Variants in KDM4C observed in about 807,000 individuals in gnomAD.
The protein encoded by KDM4C is lysine-specific demethylase 4C.
A neutral mutation model predicts 129.3 loss-of-function variants in KDM4C; 81 were observed. The ratio of observed to expected loss-of-function variants is 0.63; its 90% CI spans 0.52 to 0.75. The LOEUF is 0.75. Among genes scored for constraint, KDM4C ranks in the 30% least tolerant of loss-of-function variants. KDM4C has a pLI of 0.00. For synonymous variants in KDM4C, 573 were observed against 456.1 expected (o/e 1.26, Z -3.26); for missense variants, 1,457 against 1,304.0 (o/e 1.12, Z -1.81).
intron 8 of KDM4C, chr9:6,978,994 C>G (rs1380288388): frequency 1.3e-5 from 2 of 152,114 alleles, no homozygotes; most frequent in Non-Finnish European, 1.5e-5. Flanking sequence ...CTGTACCTCA[C>G]CAGCTTATCT....
intron 19 of KDM4C, among the ~76,000 whole-genome samples, chr9:7,158,176 T>G (rs961071029): frequency 6.6e-6 from 1 of 151,842 alleles, no homozygotes; most frequent in African/African-American, 2.4e-5. Context: ...ATGGTAGTAT[T>G]CTCTGTGGGA....
At chr9:6,809,351 C>T (rs939706353) in intron 3 of KDM4C, among the ~76,000 whole-genome samples, 1 of 152,164 alleles carries the variant, frequency 6.6e-6, no homozygotes, top group Non-Finnish European at 1.5e-5. Flanking sequence ...GGCAATTAAA[C>T]CTGTTTACAA....
chr9:6,721,450 A>C (rs768416018), intron 1 of KDM4C, among the ~76,000 whole-genome samples: 1 of 151,146 alleles, frequency 6.6e-6, no homozygotes, highest in Non-Finnish European at 1.5e-5. Context: ...CACCTGACTA[A>C]TTTTTGTATT....
intron 1 of KDM4C, among the ~76,000 whole-genome samples, chr9:6,773,648 A>G (rs1394535732): frequency 6.6e-6 from 1 of 151,976 alleles, no homozygotes; most frequent in Non-Finnish European, 1.5e-5. Flanking sequence ...GCGCACGCTT[A>G]TAATCCCAGC....
intron 8 of KDM4C, among the ~76,000 whole-genome samples, chr9:6,971,411 G>A (rs1476469392): frequency 2.6e-5 from 4 of 152,112 alleles, no homozygotes; most frequent in Non-Finnish European, 4.4e-5. Flanking sequence ...TTATTATGTA[G>A]CCTGTTTTAA....
intron 1 of KDM4C, among the ~76,000 whole-genome samples, chr9:6,776,000 G>T (rs1324507213): frequency 6.6e-6 from 1 of 152,212 alleles, no homozygotes; most frequent in African/African-American, 2.4e-5. Context: ...ACCCCTGGTT[G>T]AGAACCATTG....
At position 6,974,493 on chromosome 9, in the gene KDM4C, G is replaced by A. The variant is rs552427217; in HGVS notation, c.922-6432G>A. ...TCCTGCCTGTTTCCCGAGTAGCTGA[G>A]ATTACAGGCATGTGCCACCATGCCT... is the stretch of plus-strand genomic sequence containing the variant. On this transcript the variant is annotated intron_variant, in intron 8 of 21. Transcript: ENST00000381309. Among the ~76,000 whole-genome samples, 6 of 152,308 alleles carry A rather than the reference G, an allele frequency of 3.9e-5. No individual in the cohort carries two copies. In the South Asian group the frequency reaches 1.2e-3, roughly 32 times the overall value.
intron 17 of KDM4C, among the ~76,000 whole-genome samples, chr9:7,097,475 C>G (rs1444805298): frequency 6.6e-6 from 1 of 152,200 alleles, no homozygotes; most frequent in East Asian, 1.9e-4. Flanking sequence ...CTACACTCTC[C>G]TGCCACATCA....
intron 18 of KDM4C, among the ~76,000 whole-genome samples, chr9:7,107,729 T>C (rs1217074722): frequency 1.3e-5 from 2 of 152,246 alleles, no homozygotes; most frequent in Non-Finnish European, 2.9e-5. Context: ...TGGAGACAGA[T>C]ACCTATTTAA....
rs549063119 is a variant in KDM4C at position 7,064,373 on chromosome 9, A to G, written c.2424+15173A>G. On this transcript the variant is annotated intron_variant, in intron 17 of 21. Coordinates refer to ENST00000381309, the MANE Select transcript of KDM4C (RefSeq NM_015061.6). ...TTTAAAGTTTTAAAATGAGCCTCCT[A>G]GAAAAATTTTAAAAGATGCATAATG... is the stretch of plus-strand genomic sequence containing the variant. Among the ~76,000 whole-genome samples, 18 of 152,320 alleles carry G rather than the reference A, an allele frequency of 1.2e-4. No individual in the cohort carries two copies. In the South Asian group the frequency reaches 3.5e-3, roughly 30 times the overall value.
chr9:7,130,193 A>G (rs10815525), intron 19 of KDM4C, among the ~76,000 whole-genome samples: 54,418 of 152,102 alleles, frequency 0.36, 10,259 homozygotes, highest in Middle Eastern at 0.52. Flanking sequence ...GGTGAGGAAC[A>G]CTGTGGTGGT....
chr9:7,024,319 GT>G lies in KDM4C; in HGVS notation c.2259+8400del, dbSNP rs1252377601. On this transcript the variant is annotated intron_variant, in intron 15 of 21. Transcript: ENST00000381309. Reference sequence around the variant, plus strand: ...TTTTTTTTAATTTTCTTTTCAAGGTGTTTTTTTTTTGAATTTTTAAAATTAT... The same window carrying G: ...TTTTTTTTAATTTTCTTTTCAAGGTGTTTTTTTTTGAATTTTTAAAATTAT... Among the ~76,000 whole-genome samples the G allele has an allele frequency of 4.2e-3, 571 of 136,420 alleles. 4 individuals carry two copies. The highest frequency in any genetic ancestry group is 0.013 in the African/African-American group (470 of 36,752). 89.5% of individuals were successfully genotyped at this position (136,420 alleles called of 152,430 possible). A position where few individuals can be genotyped will look rare whatever the true frequency, so the allele number is the denominator to read the frequency against.
chr9:7,158,141 A>C (rs1002013829), intron 19 of KDM4C, among the ~76,000 whole-genome samples: 1 of 151,914 alleles, frequency 6.6e-6, no homozygotes, highest in African/African-American at 2.4e-5. Context: ...GTTTATTTGC[A>C]TAGAGGTGTT....
At chr9:6,748,594 A>G (rs1817962128) in intron 1 of KDM4C, 3 of 621,996 alleles carry the variant, frequency 4.8e-6, no homozygotes, top group Admixed American at 4.9e-5. Flanking sequence ...GCCATCTTGT[A>G]AAAACATAAG....
chr9:6,958,735 A>G (rs1473938043), intron 8 of KDM4C, among the ~76,000 whole-genome samples: 1 of 139,548 alleles, frequency 7.2e-6, no homozygotes, highest in Non-Finnish European at 1.5e-5. Flanking sequence ...CCCAGGCTAG[A>G]GTGCAGTGGC....
At chr9:6,943,005 A>G (rs1826239792) in intron 8 of KDM4C, among the ~76,000 whole-genome samples, 2 of 152,016 alleles carry the variant, frequency 1.3e-5, no homozygotes, top group African/African-American at 4.8e-5. Context: ...AGCTACGACT[A>G]CAGCCATGTG....
intron 17 of KDM4C, among the ~76,000 whole-genome samples, chr9:7,070,056 G>A (rs1350483430): frequency 6.6e-6 from 1 of 152,028 alleles, no homozygotes; most frequent in Non-Finnish European, 1.5e-5. Context: ...CAGAACAGGG[G>A]GAAAAGGGAA....
At chr9:6,784,523 C>T (rs1825055204) in intron 1 of KDM4C, among the ~76,000 whole-genome samples, 1 of 152,142 alleles carries the variant, frequency 6.6e-6, no homozygotes, top group Non-Finnish European at 1.5e-5. Context: ...TGAGCCACCA[C>T]ACTCGGCCCA....
chr9:6,816,630 C>G (rs562177654), intron 4 of KDM4C, among the ~76,000 whole-genome samples: 1 of 152,306 alleles, frequency 6.6e-6, no homozygotes, highest in East Asian at 1.9e-4. Context: ...TTCCAGCTTA[C>G]ACTTCCTATA....
Sources: gnomAD v4.1 joint callset for allele counts (sites outside exome capture counted in the v4.1 genomes callset) on GRCh38, gnomAD v4.1.1 for gene constraint, MANE v1.5 for transcripts, NCBI Gene and HGNC (gene_info 2026-07-23, HGNC 2026-07-21) for gene names.